The following ZFHX3 variants were observed in gnomAD, a reference collection of about 807,000 sequenced individuals.
ZFHX3 encodes the protein zinc finger homeobox 3.
A neutral mutation model predicts 279.1 loss-of-function variants in ZFHX3; 42 were observed. The ratio of observed to expected loss-of-function variants is 0.15; its 90% CI spans 0.12 to 0.19. ZFHX3 has a LOEUF of 0.19. Among genes scored for constraint, ZFHX3 ranks in the 10% least tolerant of loss-of-function variants. The pLI, the probability that ZFHX3 is intolerant of heterozygous loss-of-function variation, is 1.00. For synonymous variants in ZFHX3, 2,293 were observed against 1,957.8 expected, an observed-to-expected ratio of 1.17 and a Z score of -4.52; for missense variants, 4,981 against 4,754.0, an observed-to-expected ratio of 1.05 and a Z score of -1.40.
At chr16:73,676,018 T>C (rs2052950618) in intron 2 of ZFHX3, among the ~76,000 whole-genome samples, 1 of 152,060 alleles carries the variant, frequency 6.6e-6, no homozygotes, top group East Asian at 1.9e-4. Context: ...ACCATCCATC[T>C]TTCTTGAAAA....
At chr16:72,881,041 A>T (rs1487625543) in intron 4 of ZFHX3, among the ~76,000 whole-genome samples, 1 of 152,226 alleles carries the variant, frequency 6.6e-6, no homozygotes, top group Non-Finnish European at 1.5e-5. Context: ...TCTAAAATGC[A>T]AGCCAAAAAA....
At chr16:73,336,266 G>T (rs1033457476) in intron 3 of ZFHX3, among the ~76,000 whole-genome samples, 2 of 152,136 alleles carry the variant, frequency 1.3e-5, no homozygotes, top group African/African-American at 4.8e-5. Flanking sequence ...AGTTTCAGGG[G>T]TACATGTGCA....
intron 3 of ZFHX3, among the ~76,000 whole-genome samples, chr16:72,945,331 C>G (rs1035050213): frequency 6.6e-6 from 1 of 152,164 alleles, no homozygotes; most frequent in Non-Finnish European, 1.5e-5. Flanking sequence ...CTTTCCATCT[C>G]CTGGAGTCCT....
At position 72,938,687 on chromosome 16, in the gene ZFHX3, C is replaced by CA. The variant is rs1330121115; in HGVS notation, c.3216+11781dup. Among the ~76,000 whole-genome samples, 4 of 152,146 alleles carry CA rather than the reference C, an allele frequency of 2.6e-5. No homozygotes were observed. In the East Asian group the frequency reaches 5.8e-4, roughly 22 times the overall value. ...GGATAACCCCAAAGCACTAAACACT[C>CA]AGAGACATGAATTAGGGCGGCAAGA... is the stretch of plus-strand genomic sequence containing the variant. On this transcript the variant is annotated intron_variant, in intron 3 of 9. Transcript: ENST00000268489.
At position 72,958,183 on chromosome 16, in the gene ZFHX3, G is replaced by A; in HGVS notation, c.1963C>T (p.Leu655=). Residue 655 remains leucine, a synonymous_variant, in exon 2 of 10, where the codon CTG becomes TTG. Coordinates refer to ENST00000268489, the MANE Select transcript of ZFHX3 (RefSeq NM_006885.4). ...TGCATCATGGTCATGTGGCCGCCCA[G>A]CGAGCGGGAGGAGCCCAGGACCGTG... The part of the protein sequence containing the change: ...CDTVLGSSRS[L]GGHMTMMHSR... 6.2e-7 allele frequency: 1 copy of A among 1,613,514 alleles called. No individual in the cohort carries two copies. Among genetic ancestry groups the A allele is most frequent in the East Asian group, 2.2e-5 (1 of 44,854 alleles).
Position 72,784,588 on chromosome 16 carries a change from A to G in ZFHX3, c.*2576T>C, listed in dbSNP as rs2035273731. ...CATAGAGTTACAAACAAGATAAAAT[A>G]ATGGAAAACAAAAAACTGTACAACT... On this transcript the variant is annotated 3_prime_UTR_variant, in exon 10 of 10. Transcript: ENST00000268489. 6.6e-6 allele frequency: 1 copy of G among 152,114 alleles called. No homozygotes were observed. Among genetic ancestry groups the G allele is most frequent in the Non-Finnish European group, 1.5e-5 (1 of 67,948 alleles). 9.4% of individuals were successfully genotyped at this position (152,114 alleles called of 1,614,324 possible).
At chr16:73,361,946 C>T (rs576940469) in intron 3 of ZFHX3, among the ~76,000 whole-genome samples, 3 of 152,326 alleles carry the variant, frequency 2.0e-5, no homozygotes, top group South Asian at 2.1e-4. Flanking sequence ...AATCAGGCAG[C>T]CCATCCGTCT....
intron 3 of ZFHX3, among the ~76,000 whole-genome samples, chr16:72,910,740 T>C (rs1317796715): frequency 6.6e-6 from 1 of 152,138 alleles, no homozygotes; most frequent in Non-Finnish European, 1.5e-5. Flanking sequence ...ATGGTGAACA[T>C]TTAAAAATCT....
chr16:72,858,472 G>C (rs908267744), intron 4 of ZFHX3, among the ~76,000 whole-genome samples: 2 of 152,200 alleles, frequency 1.3e-5, no homozygotes, highest in East Asian at 1.9e-4. Context: ...AAAATAAAGA[G>C]AGAGTCGACT....
At chr16:73,819,341 G>T (rs943916714) in intron 1 of ZFHX3, among the ~76,000 whole-genome samples, 2 of 150,516 alleles carry the variant, frequency 1.3e-5, no homozygotes, top group African/African-American at 2.5e-5. Context: ...ACTAGATGCT[G>T]GTAGCAATCA....
intron 2 of ZFHX3, among the ~76,000 whole-genome samples, chr16:73,518,097 A>G (rs1400577): frequency 0.57 from 87,364 of 152,000 alleles, 25,954 homozygotes; most frequent in East Asian, 0.9. Flanking sequence ...TATACTCTAC[A>G]TATCTCAGTT....
At chr16:73,201,630 C>T (rs928058825) in intron 5 of ZFHX3, among the ~76,000 whole-genome samples, 2 of 152,184 alleles carry the variant, frequency 1.3e-5, no homozygotes, top group Admixed American at 6.5e-5. Context: ...GCAAAAGCAT[C>T]TTAGACTTGG....
chr16:73,271,260 C>T (rs1332773186), intron 4 of ZFHX3, among the ~76,000 whole-genome samples: 1 of 152,212 alleles, frequency 6.6e-6, no homozygotes, highest in Non-Finnish European at 1.5e-5. Flanking sequence ...ATCAACTCTT[C>T]AACCAAATGG....
intron 1 of ZFHX3, among the ~76,000 whole-genome samples, chr16:73,837,613 T>C (rs1050304852): frequency 6.7e-6 from 1 of 148,190 alleles, no homozygotes; most frequent in African/African-American, 2.6e-5. Flanking sequence ...ATTTCCACAT[T>C]GCTGCTATTT....
intron 1 of ZFHX3, among the ~76,000 whole-genome samples, chr16:73,873,071 T>G (rs1366886231): frequency 1.1e-3 from 23 of 20,088 alleles, no homozygotes; most frequent in African/African-American, 8.9e-3. Context: ...TGGTGGCGGA[T>G]GGTGGTGGTG....
chr16:73,807,373 T>G (rs138784074), intron 1 of ZFHX3, among the ~76,000 whole-genome samples: 15 of 152,176 alleles, frequency 9.9e-5, no homozygotes, highest in Non-Finnish European at 1.6e-4. Context: ...TCAAATCCAC[T>G]GATAGCCAAA....
chr16:73,029,901 A>C (rs1964633802), intron 1 of ZFHX3, among the ~76,000 whole-genome samples: 2 of 152,248 alleles, frequency 1.3e-5, no homozygotes. Context: ...AATGTCAACA[A>C]AACAAATTCC....
intron 8 of ZFHX3, among the ~76,000 whole-genome samples, chr16:73,075,826 G>T (rs1279137247): frequency 1.3e-5 from 2 of 152,012 alleles, no homozygotes; most frequent in African/African-American, 4.8e-5. Flanking sequence ...TGGAGACAGG[G>T]TTTCACTGTT....
intron 1 of ZFHX3, among the ~76,000 whole-genome samples, chr16:73,693,662 G>C (rs558607100): frequency 2.6e-4 from 39 of 152,110 alleles, no homozygotes; most frequent in Non-Finnish European, 5.9e-5. Context: ...GCACAAACTC[G>C]GGTTCTTAGA....
Sources: allele counts gnomAD v4.1 joint callset (sites outside exome capture counted in the v4.1 genomes callset), GRCh38; gene constraint gnomAD v4.1.1; transcripts MANE v1.5; gene names NCBI Gene and HGNC (gene_info 2026-07-23, HGNC 2026-07-21).